DENND4A: variants seen among roughly 807,000 people sequenced by gnomAD.
The protein encoded by DENND4A is DENN domain containing 4A.
A neutral mutation model predicts 199.3 loss-of-function variants in DENND4A; 70 were observed. The observed-to-expected ratio is 0.35, with a 90% CI of 0.29 to 0.43. The LOEUF is 0.43. Ranked by LOEUF, DENND4A falls within the 20% of genes least tolerant of loss-of-function variation. The pLI is 1.00. For missense variants in DENND4A, 1,723 were observed against 2,255.8 expected (o/e 0.76, Z 4.78); for synonymous variants, 686 against 766.9 (o/e 0.89, Z 1.74).
At chr15:65,768,613 A>T (rs143175283) in intron 1 of DENND4A, among the ~76,000 whole-genome samples, 1 of 152,072 alleles carries the variant, frequency 6.6e-6, no homozygotes, top group Non-Finnish European at 1.5e-5. Context: ...TCATTCTACA[A>T]TGTTTTTTGA....
At chr15:65,671,582 G>C (rs2076219321) in intron 25 of DENND4A, among the ~76,000 whole-genome samples, 1 of 152,108 alleles carries the variant, frequency 6.6e-6, no homozygotes, top group Non-Finnish European at 1.5e-5. Flanking sequence ...TAGAGACGTG[G>C]TTTCACCATA....
chr15:65,771,489 AAGG>A (rs1275267339), intron 1 of DENND4A: 5 of 1,610,540 alleles, frequency 3.1e-6, no homozygotes, highest in Admixed American at 3.3e-5. Context: ...TAGAAGGAAT[AAGG>A]AGGATTACAG....
At chr15:65,746,155 A>G (rs540624265) in intron 4 of DENND4A, among the ~76,000 whole-genome samples, 71 of 151,688 alleles carry the variant, frequency 4.7e-4, no homozygotes, top group African/African-American at 1.7e-3. Flanking sequence ...AAAAAAAAAA[A>G]GGAATTAAAA....
intron 13 of DENND4A, among the ~76,000 whole-genome samples, chr15:65,716,568 C>T (rs2075410416): frequency 1.3e-5 from 2 of 152,078 alleles, no homozygotes; most frequent in African/African-American, 2.4e-5. Flanking sequence ...CTACAAAGGA[C>T]ATGAACTCAT....
intron 15 of DENND4A, 52 bp from the exon 16 acceptor site, chr15:65,703,060 G>A (rs983042541): frequency 4.6e-5 from 71 of 1,536,730 alleles, no homozygotes; most frequent in Non-Finnish European, 6.0e-5. Context: ...AGCACACATA[G>A]ATGATCATAG....
chr15:65,672,235 A>T (rs1056608567), intron 24 of DENND4A, among the ~76,000 whole-genome samples: 1 of 152,196 alleles, frequency 6.6e-6, no homozygotes, highest in Non-Finnish European at 1.5e-5. Flanking sequence ...ACAGGAAAGT[A>T]TTTAGTTCCA....
chr15:65,787,680 C>T (rs2077601324), intron 1 of DENND4A, among the ~76,000 whole-genome samples: 1 of 152,162 alleles, frequency 6.6e-6, no homozygotes, highest in Non-Finnish European at 1.5e-5. Context: ...AAGAAAGTTA[C>T]AAAAGGATAT....
intron 20 of DENND4A, among the ~76,000 whole-genome samples, chr15:65,699,921 A>G (rs1290096997): frequency 6.6e-6 from 1 of 151,762 alleles, no homozygotes; most frequent in African/African-American, 2.4e-5. Flanking sequence ...CAAGTGAACC[A>G]CCCACCTTAG....
At chr15:65,683,040 C>A (rs1158468422) in intron 23 of DENND4A, among the ~76,000 whole-genome samples, 6 of 152,020 alleles carry the variant, frequency 3.9e-5, no homozygotes, top group Non-Finnish European at 7.4e-5. Context: ...TGAAATATTG[C>A]AAGAATTACC....
rs189226997 is a variant in DENND4A, at chr15:65,697,391, A to G, written c.2834-8T>C. 24 of 1,498,582 alleles carry G rather than the reference A, an allele frequency of 1.6e-5. No homozygotes were observed. The Admixed American group carries it at 3.9e-4, about 24-fold the overall frequency. The allele number at this position is 1,498,582 out of a possible 1,614,324, so 92.8% of individuals were successfully genotyped here. A position where few individuals can be genotyped will look rare whatever the true frequency, so the allele number is the denominator to read the frequency against. ...CAAGATCAGACTGGCCACCTGGTAA[A>G]AACAAAAATAAACAAAACTCTATTA... On this transcript the variant is annotated splice_region_variant and splice_polypyrimidine_tract_variant and intron_variant, in intron 20 of 32. Coordinates refer to ENST00000443035, the MANE Select transcript of DENND4A (RefSeq NM_001320835.1).
intron 1 of DENND4A, 40 bp downstream of exon 1, chr15:65,791,970 C>T (rs2077744558): frequency 1.3e-5 from 2 of 152,298 alleles, no homozygotes; most frequent in Non-Finnish European, 2.9e-5. Flanking sequence ...GTGACAGCTC[C>T]ACCTGCCACC....
rs753178014 is a variant in DENND4A at position 65,676,425 on chromosome 15, A to G, written c.4369+20T>C. ...GAAACTACAAATCAAATGCAGTATG[A>G]CAGAACTGTTTGGACAAACCTTCCA... On this transcript the variant is annotated intron_variant, in intron 24 of 32. Transcript: ENST00000443035. 6 of 1,567,826 alleles carry G rather than the reference A, an allele frequency of 3.8e-6. No homozygotes were observed. The Admixed American group carries it at 5.3e-5, about 14-fold the overall frequency.
chr15:65,731,447 AC>A (rs1459644273), intron 9 of DENND4A, 194 bp downstream of exon 9: 1 of 605,902 alleles, frequency 1.7e-6, no homozygotes, highest in East Asian at 3.5e-5. Context: ...TACACAAAAT[AC>A]AAAACACTAT....
At position 65,660,258 on chromosome 15, in the gene DENND4A, A is replaced by C. The variant is rs1566975960; in HGVS notation, c.*1593T>G. The C allele has an allele frequency of 6.5e-7, 1 of 1,531,204 alleles. No individual in the cohort carries two copies. Among genetic ancestry groups the C allele is most frequent in the Non-Finnish European group, 8.7e-7 (1 of 1,143,030 alleles). 94.9% of individuals were successfully genotyped at this position (1,531,204 alleles called of 1,614,324 possible). A position where few individuals can be genotyped will look rare whatever the true frequency, so the allele number is the denominator to read the frequency against. ...ACTAACTGAAGTTTTACATTTTTAA[A>C]CTCTCTCCATTATTTCCCAGAGTTG... On this transcript the variant is annotated 3_prime_UTR_variant, in exon 33 of 33. Transcript: ENST00000443035.
intron 9 of DENND4A, chr15:65,731,408 C>T (rs1005633636): frequency 7.4e-5 from 40 of 541,486 alleles, no homozygotes; most frequent in African/African-American, 4.9e-4. Context: ...CACACACTTA[C>T]ACAATAGTAG....
Position 65,668,030 on chromosome 15 carries a change from T to C in DENND4A, c.4881A>G (p.Pro1627=). 1 of 1,612,618 alleles carries C rather than the reference T, an allele frequency of 6.2e-7. No homozygotes were observed. ...CAGAAGTACTAATACTCCTGGCCAT[T>C]GGAAATATTGGACATTTAGACATAG... The part of the protein sequence containing the change: ...KTAMSKCPIF[P]MARSISTSGP... The change falls in exon 28 of 33, where the codon CCA becomes CCG. Residue 1627 remains proline, a synonymous_variant. Coordinates refer to ENST00000443035, the MANE Select transcript of DENND4A (RefSeq NM_001320835.1).
chr15:65,767,704 A>G (rs2077022332), intron 1 of DENND4A, among the ~76,000 whole-genome samples: 1 of 152,254 alleles, frequency 6.6e-6, no homozygotes, highest in African/African-American at 2.4e-5. Flanking sequence ...ACACAAACAC[A>G]TTATTTAAAT....
intron 11 of DENND4A, among the ~76,000 whole-genome samples, chr15:65,726,782 C>A (rs2075814030): frequency 6.6e-6 from 1 of 151,958 alleles, no homozygotes; most frequent in Non-Finnish European, 1.5e-5. Context: ...ACGGTGAAAA[C>A]CCCTCTCTAC....
intron 4 of DENND4A, among the ~76,000 whole-genome samples, chr15:65,743,230 A>G (rs79317499): frequency 0.029 from 4,360 of 152,274 alleles, 91 homozygotes; most frequent in Non-Finnish European, 0.043. Context: ...AATAAAAGCT[A>G]AAGTCCTTAC....
Sources: gnomAD v4.1 joint callset for allele counts (sites outside exome capture counted in the v4.1 genomes callset) on GRCh38, gnomAD v4.1.1 for gene constraint, MANE v1.5 for transcripts, NCBI Gene and HGNC (gene_info 2026-07-23, HGNC 2026-07-21) for gene names.